DNM1L: variants seen among roughly 807,000 people sequenced by gnomAD.
DNM1L encodes the protein dynamin-1-like protein.
DNM1L carries 33 observed loss-of-function variants against 92.8 expected under a neutral mutation model. The ratio of observed to expected loss-of-function variants is 0.36; its 90% CI spans 0.27 to 0.48. DNM1L has a LOEUF of 0.48. Ranked by LOEUF, DNM1L falls within the 20% of genes least tolerant of loss-of-function variation. DNM1L has a pLI of 0.99. For missense variants in DNM1L, 485 were observed against 888.8 expected (o/e 0.55, Z 5.78); for synonymous variants, 284 against 305.0 (o/e 0.93, Z 0.72).
chr12:32,715,740 A>C (rs1169517960), intron 6 of DNM1L, among the ~76,000 whole-genome samples: 1 of 152,176 alleles, frequency 6.6e-6, no homozygotes, highest in African/African-American at 2.4e-5. Flanking sequence ...AAAAAAAAAG[A>C]AAAATGCTTG....
chr12:32,713,498 C>T, intron 6 of DNM1L, 127 bp downstream of exon 6: 1 of 1,076,374 alleles, frequency 9.3e-7, no homozygotes, highest in Non-Finnish European at 1.3e-6. Context: ...ATAATGCTTT[C>T]CTATTTTTGT....
chr12:32,741,108 T>C (rs1955254218), intron 18 of DNM1L, among the ~76,000 whole-genome samples: 1 of 152,190 alleles, frequency 6.6e-6, no homozygotes, highest in Non-Finnish European at 1.5e-5. Context: ...CTGCACAGAG[T>C]AATAAACAGT....
intron 1 of DNM1L, among the ~76,000 whole-genome samples, chr12:32,686,937 CTTTTTTT>C (rs71447614): frequency 5.2e-5 from 5 of 95,606 alleles, no homozygotes; most frequent in African/African-American, 8.5e-5. Flanking sequence ...TCTTTTTTTT[CTTTTTTT>C]TTTTTTTTTT....
At chr12:32,733,626 G>A in intron 12 of DNM1L, 89 bp from the exon 13 acceptor site, 1 of 1,068,908 alleles carries the variant, frequency 9.4e-7, no homozygotes, top group South Asian at 1.3e-5. Context: ...TTTCGGTATT[G>A]TCTGTTTCAT....
At chr12:32,726,437 ATTTTCC>A (rs1454213684) in intron 9 of DNM1L, 2 of 1,406,958 alleles carry the variant, frequency 1.4e-6, no homozygotes, top group Admixed American at 1.7e-5. Context: ...AGTCTGGATC[ATTTTCC>A]TCATCTCCTT....
chr12:32,721,879 A>G (rs144984994), intron 8 of DNM1L, among the ~76,000 whole-genome samples: 17 of 152,302 alleles, frequency 1.1e-4, no homozygotes, highest in Non-Finnish European at 1.5e-5. Flanking sequence ...GGGAAACACT[A>G]CTTAGCATAT....
chr12:32,704,205 G>C (rs1473162820), intron 2 of DNM1L, among the ~76,000 whole-genome samples: 1 of 152,058 alleles, frequency 6.6e-6, no homozygotes, highest in Non-Finnish European at 1.5e-5. Context: ...ATTTATTTTG[G>C]GGAGAAAAGT....
intron 2 of DNM1L, 97 bp from the exon 3 acceptor site, chr12:32,707,270 C>G (rs1592602467): frequency 1.1e-6 from 1 of 906,882 alleles, no homozygotes; most frequent in Non-Finnish European, 1.7e-6. Flanking sequence ...AAATTAAATA[C>G]AAGTTAAGAA....
chr12:32,743,268 A>G, intron 19 of DNM1L, 86 bp from the exon 20 acceptor site: 1 of 1,189,442 alleles, frequency 8.4e-7, no homozygotes, highest in Non-Finnish European at 1.2e-6. Flanking sequence ...CCTACCACAT[A>G]TATATTGGAA....
intron 3 of DNM1L, among the ~76,000 whole-genome samples, chr12:32,707,642 T>TC (rs1452288853): frequency 6.6e-6 from 1 of 152,132 alleles, no homozygotes; most frequent in Non-Finnish European, 1.5e-5. Flanking sequence ...TGTTGTGGGA[T>TC]CAGGAAGCTT....
chr12:32,693,573 A>G (rs1423155736), intron 1 of DNM1L, among the ~76,000 whole-genome samples: 1 of 150,004 alleles, frequency 6.7e-6, no homozygotes, highest in Non-Finnish European at 1.5e-5. Flanking sequence ...ACCCATTTAC[A>G]ATGTGTAATT....
intron 6 of DNM1L, among the ~76,000 whole-genome samples, chr12:32,717,305 CTATATATTATATATACACTATATATTT>C (rs1565517216): frequency 2.7e-4 from 23 of 85,368 alleles, no homozygotes; most frequent in Non-Finnish European, 3.8e-4. Flanking sequence ...TTTATATATA[CTATATATTATATATACACTATATATTT>C]TATATATACT....
chr12:32,741,689 T>TA (rs2137602864), intron 18 of DNM1L, among the ~76,000 whole-genome samples: 1 of 152,340 alleles, frequency 6.6e-6, no homozygotes, highest in Admixed American at 6.5e-5. Flanking sequence ...GTGTTCCCGT[T>TA]AGATTATGAT....
chr12:32,732,382 C>T (rs922858152), intron 12 of DNM1L, among the ~76,000 whole-genome samples: 1 of 152,202 alleles, frequency 6.6e-6, no homozygotes, highest in African/African-American at 2.4e-5. Context: ...ACTATAATAT[C>T]GTAGTTGCTT....
intron 4 of DNM1L, 89 bp downstream of exon 4, chr12:32,708,313 A>T: frequency 1.2e-6 from 1 of 852,442 alleles, no homozygotes; most frequent in South Asian, 1.6e-5. Context: ...GGCATTGTAA[A>T]TTCCTACTCT....
chr12:32,721,822 C>G (rs1430043294), intron 8 of DNM1L, among the ~76,000 whole-genome samples: 3 of 152,114 alleles, frequency 2.0e-5, no homozygotes, highest in Non-Finnish European at 4.4e-5. Flanking sequence ...TACCCATGAT[C>G]CCCTTTTCAT....
In DNM1L at chr12:32,739,880, A is replaced by C. The variant is rs1049107133; in HGVS notation, c.1708-184A>C. 1.0e-5 allele frequency: 7 copies of C among 679,398 alleles called. No homozygotes were observed. In the Middle Eastern group the frequency reaches 1.2e-3, roughly 118 times the overall value. 42.1% of individuals were successfully genotyped at this position (679,398 alleles called of 1,614,324 possible). A position where few individuals can be genotyped will look rare whatever the true frequency, so the allele number is the denominator to read the frequency against. ...CAACTTAGAGCAGAACTTCTTTATTATTTAGATAGGTCAGGGTTCCAGTTA... is the reference window on the plus strand; with the variant it reads ...CAACTTAGAGCAGAACTTCTTTATTCTTTAGATAGGTCAGGGTTCCAGTTA... On this transcript the variant is annotated intron_variant, in intron 16 of 19. Transcript: ENST00000549701.
At chr12:32,718,062 TTTTA>T (rs1380279184) in intron 6 of DNM1L, among the ~76,000 whole-genome samples, 1 of 133,692 alleles carries the variant, frequency 7.5e-6, no homozygotes, top group South Asian at 2.2e-4. Context: ...ACTATACATA[TTTTA>T]TATATATACT....
chr12:32,680,921 T>G (rs1003841770), intron 1 of DNM1L, among the ~76,000 whole-genome samples: 1 of 152,242 alleles, frequency 6.6e-6, no homozygotes, highest in African/African-American at 2.4e-5. Context: ...CTAGAAACTT[T>G]CCACATACTT....
Sources: gnomAD v4.1 joint callset for allele counts (sites outside exome capture counted in the v4.1 genomes callset) on GRCh38, gnomAD v4.1.1 for gene constraint, MANE v1.5 for transcripts, NCBI Gene and HGNC (gene_info 2026-07-23, HGNC 2026-07-21) for gene names.